Variants in PRUNE2 observed in about 807,000 individuals in gnomAD.
The protein encoded by PRUNE2 is protein prune homolog 2.
Under a neutral mutation model 252.0 loss-of-function variants are expected in PRUNE2, and 164 were observed. The ratio of observed to expected loss-of-function variants is 0.65; its 90% confidence interval spans 0.57 to 0.74. The LOEUF (loss-of-function observed/expected upper bound fraction) is 0.74. Ranked by LOEUF, PRUNE2 falls within the 30% of genes least tolerant of loss-of-function variation. The pLI is 0.00. For synonymous variants in PRUNE2, 1,292 were observed against 1,350.2 expected (o/e 0.96, Z 0.94); for missense variants, 3,495 against 3,711.0 (o/e 0.94, Z 1.51).
At chr9:76,650,513 CAT>C (rs1326583430) in intron 11 of PRUNE2, among the ~76,000 whole-genome samples, 5 of 152,160 alleles carry the variant, frequency 3.3e-5, no homozygotes. Context: ...AGAACTCAAA[CAT>C]ATTTATAATC....
At chr9:76,885,337 T>A (rs2062027204) in intron 1 of PRUNE2, among the ~76,000 whole-genome samples, 1 of 152,186 alleles carries the variant, frequency 6.6e-6, no homozygotes, top group Non-Finnish European at 1.5e-5. Context: ...AGCTTGGTGC[T>A]ATAAAGGCTG....
At chr9:76,899,008 G>A (rs1249306532) in intron 1 of PRUNE2, among the ~76,000 whole-genome samples, 1 of 152,184 alleles carries the variant, frequency 6.6e-6, no homozygotes, top group East Asian at 1.9e-4. Flanking sequence ...TGCAGTGCCA[G>A]GGCTGGACAG....
chr9:76,678,689 C>T (rs2043064767), intron 9 of PRUNE2, among the ~76,000 whole-genome samples: 1 of 152,010 alleles, frequency 6.6e-6, no homozygotes, highest in Non-Finnish European at 1.5e-5. Flanking sequence ...ATTAGCCGGG[C>T]GTGGTGGCGG....
intron 11 of PRUNE2, 27 bp downstream of exon 11, chr9:76,652,455 CT>C (rs1847775491): frequency 6.6e-7 from 1 of 1,518,430 alleles, no homozygotes. Context: ...TAGCATTTAA[CT>C]TTGGCCTTGC....
chr9:76,807,058 G>A (rs187632397), intron 6 of PRUNE2, among the ~76,000 whole-genome samples: 13 of 150,762 alleles, frequency 8.6e-5, no homozygotes, highest in African/African-American at 1.5e-4. Flanking sequence ...GTGTGCGCGC[G>A]CGCGTGTGTC....
chr9:76,669,262 T>C (rs1412948895), intron 9 of PRUNE2, among the ~76,000 whole-genome samples: 3 of 151,952 alleles, frequency 2.0e-5, no homozygotes, highest in African/African-American at 7.3e-5. Flanking sequence ...GTGTACAAGA[T>C]CACACACAGT....
At chr9:76,809,512 A>G (rs558250318) in intron 6 of PRUNE2, among the ~76,000 whole-genome samples, 118 of 152,296 alleles carry the variant, frequency 7.7e-4, no homozygotes, top group African/African-American at 2.8e-3. Context: ...CCTGGCCAAC[A>G]TGGTGAAACC....
In PRUNE2 at chr9:76,707,382, C is replaced by T; in HGVS notation, c.4892G>A (p.Gly1631Asp). Residue 1631 changes from glycine (G) to aspartate (D), a missense_variant, in exon 8 of 19, where the codon GGT becomes GAT. Transcript: ENST00000376718. ...ACTGGATAAAGAGGAAAAGGAATCA[C>T]CATCAACTGAGTCATTCCAGATCTC... ...FLEIWNDSVD[G>D]DSFSSLSSPE... The T allele has an allele frequency of 3.7e-6, 6 of 1,613,978 alleles. No individual in the cohort carries two copies. Among genetic ancestry groups the T allele is most frequent in the Non-Finnish European group, 5.1e-6 (6 of 1,179,874 alleles).
intron 17 of PRUNE2, among the ~76,000 whole-genome samples, chr9:76,622,280 G>A (rs1259968861): frequency 6.6e-6 from 1 of 152,094 alleles, no homozygotes; most frequent in Non-Finnish European, 1.5e-5. Context: ...GAGAGGGTAG[G>A]TAGGGGTAAG....
intron 10 of PRUNE2, 27 bp downstream of exon 10, chr9:76,655,396 A>T: frequency 1.3e-6 from 2 of 1,549,906 alleles, no homozygotes; most frequent in Non-Finnish European, 1.8e-6. Context: ...AATACCAACG[A>T]AGGAAATGAA....
chr9:76,767,715 A>G (rs914989243), intron 6 of PRUNE2, among the ~76,000 whole-genome samples: 1 of 152,078 alleles, frequency 6.6e-6, no homozygotes, highest in Non-Finnish European at 1.5e-5. Flanking sequence ...CATATCGTGC[A>G]TCTCTCGTGA....
At chr9:76,692,136 C>T (rs1027103414) in intron 9 of PRUNE2, 5 of 717,384 alleles carry the variant, frequency 7.0e-6, no homozygotes, top group African/African-American at 5.2e-5. Context: ...TACAGCTCTT[C>T]AGCATCTCTC....
At chr9:76,742,458 G>T (rs1397846563) in intron 6 of PRUNE2, among the ~76,000 whole-genome samples, 2 of 151,930 alleles carry the variant, frequency 1.3e-5, no homozygotes, top group Non-Finnish European at 2.9e-5. Context: ...AGACAAAAAA[G>T]ATCAAGAAAA....
At position 76,893,460 on chromosome 9, in the gene PRUNE2, A is replaced by G. The variant is rs943551071; in HGVS notation, c.36+12468T>C. Among the ~76,000 whole-genome samples, 3 of 152,346 alleles carry G rather than the reference A, an allele frequency of 2.0e-5. No homozygotes were observed. The East Asian group carries it at 5.8e-4, about 29-fold the overall frequency. On this transcript the variant is annotated intron_variant, in intron 1 of 18. Transcript: ENST00000376718. The stretch of plus-strand genomic sequence containing the variant: ...TCCCTGAAGTGATGGGTCAGAGTGT[A>G]CCCAGGGTGACATGGTGATCAGGGT...
intron 2 of PRUNE2, among the ~76,000 whole-genome samples, chr9:76,852,848 C>CTATCTATA (rs2060043505): frequency 6.7e-6 from 1 of 150,320 alleles, no homozygotes; most frequent in Non-Finnish European, 1.5e-5. Context: ...ATCTATCTAT[C>CTATCTATA]CATGTGTTTT....
At chr9:76,633,629 A>G (rs1184929035) in intron 15 of PRUNE2, among the ~76,000 whole-genome samples, 2 of 152,084 alleles carry the variant, frequency 1.3e-5, no homozygotes, top group African/African-American at 4.8e-5. Flanking sequence ...ACTTGTTTGC[A>G]TGTTTCCTAC....
In PRUNE2 at chr9:76,905,930, G is replaced by A; in HGVS notation, c.34C>T (p.Leu12=). 6.2e-7 allele frequency: 1 copy of A among 1,614,128 alleles called. No homozygotes were observed. Among genetic ancestry groups the A allele is most frequent in the Non-Finnish European group, 8.5e-7 (1 of 1,179,992 alleles). ...ACAGCTTTGCTCACTCAACTTACCA[G>A]TTTAGATTTGGCGCGTTGCAAAAAT... ...EEFLQRAKSK[L]NRSKRLEKVH... The change falls in exon 1 of 19, where the codon CTG becomes TTG. Residue 12 remains leucine (L), a splice_region_variant and synonymous_variant. Transcript: ENST00000376718.
At chr9:76,876,668 C>T (rs1445775476) in intron 1 of PRUNE2, among the ~76,000 whole-genome samples, 1 of 152,066 alleles carries the variant, frequency 6.6e-6, no homozygotes, top group Non-Finnish European at 1.5e-5. Context: ...TCATCAGCAC[C>T]TGCCAGTCAT....
At chr9:76,825,655 T>C (rs1441183254) in intron 5 of PRUNE2, among the ~76,000 whole-genome samples, 1 of 152,226 alleles carries the variant, frequency 6.6e-6, no homozygotes, top group East Asian at 1.9e-4. Flanking sequence ...GGGAAAGCAA[T>C]GAAGGCTTTC....
Sources: allele counts gnomAD v4.1 joint callset (sites outside exome capture counted in the v4.1 genomes callset), GRCh38; gene constraint gnomAD v4.1.1; transcripts MANE v1.5; gene names NCBI Gene and HGNC (gene_info 2026-07-23, HGNC 2026-07-21).